The following SETD1B variants were observed in gnomAD, a reference collection of about 807,000 sequenced individuals.
SETD1B encodes SET domain containing 1B, histone lysine methyltransferase.
In SETD1B, 7 loss-of-function variants were observed where a neutral mutation model predicts 148.0. That is an observed-to-expected ratio of 0.05 (90% CI 0.03 to 0.09). The LOEUF is 0.09. Among genes scored for constraint, SETD1B ranks in the 10% least tolerant of loss-of-function variants. SETD1B has a pLI of 1.00. For synonymous variants in SETD1B, 1,361 were observed against 1,186.5 expected (o/e 1.15, Z -3.02); for missense variants, 2,155 against 2,729.9 (o/e 0.79, Z 4.69).
At chr12:121,819,918 A>G (rs1876487983) in intron 11 of SETD1B, 23 bp downstream of exon 11, 1 of 1,539,380 alleles carries the variant, frequency 6.5e-7, no homozygotes. Context: ...ACCCCCTGGG[A>G]GGGTGGTGGG....
chr12:121,830,411 C>CAGG lies in SETD1B; in HGVS notation c.*172_*173insAGG. 3.4e-6 allele frequency: 2 copies of CAGG among 584,582 alleles called. No homozygotes were observed. Among genetic ancestry groups the CAGG allele is most frequent in the Non-Finnish European group, 5.9e-6 (2 of 338,174 alleles). 36.2% of individuals were successfully genotyped at this position (584,582 alleles called of 1,614,324 possible). Reference sequence around the variant, plus strand: ...CACTACCCCCTGGAGCCCCTGGCTCCGGCCCCTCCGCGGGAAAGGGCTTCT... The same window carrying CAGG: ...CACTACCCCCTGGAGCCCCTGGCTCCAGGGGCCCCTCCGCGGGAAAGGGCTTCT... On this transcript the variant is annotated 3_prime_UTR_variant, in exon 17 of 17. Transcript: ENST00000604567. This position sits in a 1 kb window ranked among gnomAD's most constrained non-coding sequence, Gnocchi z 5.7.
At position 121,823,106 on chromosome 12, in the gene SETD1B, C is replaced by G. The variant is rs1219065492; in HGVS notation, c.4527C>G (p.Ala1509=). The G allele has an allele frequency of 1.4e-5, 21 of 1,529,214 alleles. No homozygotes were observed. Among genetic ancestry groups the G allele is most frequent in the African/African-American group, 2.7e-5 (2 of 72,736 alleles). 94.7% of individuals were successfully genotyped at this position (1,529,214 alleles called of 1,614,324 possible). ...CACCCCTGCTGCCCGCCCCCCTGGC[C>G]TCTTGCCCTCCCCCAATGAAGAGGA... The part of the protein sequence containing the change: ...PLPPLLPAPL[A]SCPPPMKRKP... Residue 1509 remains alanine (A), a synonymous_variant, in exon 12 of 17, where the codon GCC becomes GCG. Transcript: ENST00000604567.
chr12:121,797,514 G>A, the SETD1B span: 22 of 456,462 alleles, frequency 4.8e-5, no homozygotes, highest in Non-Finnish European at 7.9e-5. Flanking sequence ...GAGAGAGAGG[G>A]GTACAGTCCA....
chr12:121,824,019 C>T (rs1386186003), intron 12 of SETD1B, among the ~76,000 whole-genome samples: 1 of 152,246 alleles, frequency 6.6e-6, no homozygotes, highest in Non-Finnish European at 1.5e-5. Context: ...ACAGCAGTGC[C>T]GTGCAGCTTA....
chr12:121,820,965 C>G (rs564420465), intron 11 of SETD1B, among the ~76,000 whole-genome samples: 282 of 152,260 alleles, frequency 1.9e-3, no homozygotes, highest in African/African-American at 3.9e-3. Context: ...GATGCGAAAC[C>G]CACTGTATAT....
intron 12 of SETD1B, 118 bp from the exon 13 acceptor site, chr12:121,825,082 G>A: frequency 9.5e-7 from 1 of 1,057,700 alleles, no homozygotes; most frequent in Non-Finnish European, 1.4e-6. Flanking sequence ...CATGGGAGTG[G>A]GCAGTAGAAC....
chr12:121,805,707 A>C lies in SETD1B; in HGVS notation c.274-128A>C. On this transcript the variant is annotated intron_variant, in intron 3 of 16. Transcript: ENST00000604567. The surrounding 1 kb of genome is among the most constrained non-coding windows in gnomAD (Gnocchi z 4.2). ...AAAAAAAATTTTTTTTTTTTTTTTA[A>C]TTTTTAGTTTTTTTACCCTTTATTG... The C allele has an allele frequency of 1.3e-6, 1 of 744,820 alleles. No homozygotes were observed. Among genetic ancestry groups the C allele is most frequent in the South Asian group, 4.6e-5 (1 of 21,528 alleles). The allele number at this position is 744,820 out of a possible 1,614,324, so 46.1% of individuals were successfully genotyped here.
At chr12:121,824,964 C>T (rs1876767645) in intron 12 of SETD1B, among the ~76,000 whole-genome samples, 1 of 133,326 alleles carries the variant, frequency 7.5e-6, no homozygotes, top group Non-Finnish European at 1.5e-5. Context: ...GCCTGGGCAA[C>T]AGGAGACCCT....
In SETD1B at chr12:121,805,301, G is replaced by T. The variant is rs200437328; in HGVS notation, c.273+85G>T. ...CGCCAGTCCTGACCGAGCCCAGCCGGATTCCCAGTTCCCGCCGTCCGGGGC... is the reference window on the plus strand; with the variant it reads ...CGCCAGTCCTGACCGAGCCCAGCCGTATTCCCAGTTCCCGCCGTCCGGGGC... On this transcript the variant is annotated intron_variant, in intron 3 of 16. Transcript: ENST00000604567. This position sits in a 1 kb window ranked among gnomAD's most constrained non-coding sequence, Gnocchi z 4.2. 8.1e-3 allele frequency: 9,553 copies of T among 1,186,000 alleles called. 144 individuals are homozygous for T. The highest frequency in any genetic ancestry group is 0.029 in the Middle Eastern group (104 of 3,588). The allele number at this position is 1,186,000 out of a possible 1,614,324, so 73.5% of individuals were successfully genotyped here.
In SETD1B at chr12:121,819,663, C is replaced by T. The variant is rs1231080257; in HGVS notation, c.3678C>T (p.Asp1226=). The change falls in exon 11 of 17, where the codon GAC becomes GAT. Residue 1226 remains aspartate, a synonymous_variant. Coordinates refer to ENST00000604567, the MANE Select transcript of SETD1B (RefSeq NM_001353345.2). The part of the protein sequence containing the change: ...AALAPGAPAV[D]SLGMEEEVDI... ...TGGCCCCGGGGGCACCTGCAGTGGA[C>T]TCGTTGGGCATGGAAGAGGAGGTGG... The T allele has an allele frequency of 6.4e-7, 1 of 1,551,478 alleles. No individual in the cohort carries two copies. Among genetic ancestry groups the T allele is most frequent in the Non-Finnish European group, 8.7e-7 (1 of 1,147,022 alleles).
chr12:121,819,346 G>A, intron 10 of SETD1B, 58 bp from the exon 11 acceptor site: 1 of 1,547,022 alleles, frequency 6.5e-7, no homozygotes, highest in Non-Finnish European at 8.7e-7. Flanking sequence ...GAGGGGTCTG[G>A]TGGGGGCTGG....
intron 13 of SETD1B, among the ~76,000 whole-genome samples, chr12:121,825,906 A>G (rs1345001613): frequency 1.3e-5 from 2 of 152,086 alleles, no homozygotes; most frequent in Non-Finnish European, 2.9e-5. Flanking sequence ...TTGGTCTCCC[A>G]AACTGCTGGG....
At chr12:121,818,447 C>G (rs892258517) in intron 10 of SETD1B, among the ~76,000 whole-genome samples, 16 of 151,914 alleles carry the variant, frequency 1.1e-4, no homozygotes, top group African/African-American at 3.9e-4. Context: ...CCTGTAATCC[C>G]AGCTACTTGG....
intron 6 of SETD1B, among the ~76,000 whole-genome samples, chr12:121,813,133 C>T (rs894285612): frequency 2.0e-5 from 3 of 152,178 alleles, no homozygotes; most frequent in African/African-American, 4.8e-5. Context: ...GGCTGTGCCG[C>T]GGGGCCACGG....
the SETD1B span, chr12:121,797,959 C>T: frequency 1.2e-5 from 3 of 256,078 alleles, no homozygotes; most frequent in South Asian, 3.7e-5. Context: ...GGACCCAGCA[C>T]GGCTCATCGG....
At chr12:121,811,403 G>A (rs1376268409) in intron 6 of SETD1B, among the ~76,000 whole-genome samples, 1 of 151,208 alleles carries the variant, frequency 6.6e-6, no homozygotes, top group Non-Finnish European at 1.5e-5. Flanking sequence ...TTCTCCCACT[G>A]GCTCCAGGGA....
chr12:121,815,273 T>G (rs1181346531), intron 7 of SETD1B, among the ~76,000 whole-genome samples: 2 of 152,116 alleles, frequency 1.3e-5, no homozygotes, highest in Non-Finnish European at 2.9e-5. Flanking sequence ...AAAATAAATG[T>G]GCAAATTAAC....
upstream of SETD1B, chr12:121,799,462 C>T (rs965058787): frequency 6.6e-5 from 10 of 152,274 alleles, no homozygotes; most frequent in African/African-American, 2.4e-4. Flanking sequence ...CCACATGCCC[C>T]ACGGGGGCGG....
At chr12:121,803,915 C>G (rs999148434), upstream of SETD1B, 2 of 155,706 alleles carry the variant, frequency 1.3e-5, no homozygotes, top group Non-Finnish European at 2.8e-5. This position sits in a 1 kb window ranked among gnomAD's most constrained non-coding sequence, Gnocchi z 4.7. Context: ...GGGAGAGTGC[C>G]TGGGGAAGCG....
Sources: allele counts gnomAD v4.1 joint callset (sites outside exome capture counted in the v4.1 genomes callset), GRCh38; gene constraint gnomAD v4.1.1; non-coding constraint Gnocchi (gnomAD v3.1); transcripts MANE v1.5; gene names NCBI Gene and HGNC (gene_info 2026-07-23, HGNC 2026-07-21).